CBLB: variants seen among roughly 807,000 people sequenced by gnomAD.
CBLB encodes the protein Cbl proto-oncogene B, also known as E3 ubiquitin-protein ligase CBL-B.
CBLB carries 31 observed loss-of-function variants against 104.9 expected under a neutral mutation model. The ratio of observed to expected loss-of-function variants is 0.30; its 90% CI spans 0.22 to 0.40. The LOEUF (loss-of-function observed/expected upper bound fraction) is 0.40, where lower values mean the gene tolerates loss of function less well. CBLB is among the 10% of genes least tolerant of loss of function. The pLI is 1.00. For synonymous variants in CBLB, 440 were observed against 422.6 expected, an observed-to-expected ratio of 1.04 and a Z score of -0.51; for missense variants, 1,062 against 1,214.6, an observed-to-expected ratio of 0.87 and a Z score of 1.87.
At chr3:105,763,539 C>T (rs1397686320) in intron 4 of CBLB, among the ~76,000 whole-genome samples, 1 of 152,204 alleles carries the variant, frequency 6.6e-6, no homozygotes, top group African/African-American at 2.4e-5. Context: ...TCTGCTGCCA[C>T]GTAAGAAGTG....
intron 7 of CBLB, among the ~76,000 whole-genome samples, chr3:105,738,844 T>C (rs917342601): frequency 1.3e-5 from 2 of 152,058 alleles, no homozygotes; most frequent in African/African-American, 2.4e-5. Context: ...GAAATACACA[T>C]TTGGTACCAT....
At chr3:105,786,070 G>GGGGA (rs1560234293) in intron 3 of CBLB, among the ~76,000 whole-genome samples, 1 of 140,132 alleles carries the variant, frequency 7.1e-6, no homozygotes, top group Non-Finnish European at 1.6e-5. Context: ...TCGGGGGGGG[G>GGGGA]AAAGTGGGTA....
chr3:105,685,829 G>A (rs1322046197), intron 13 of CBLB, among the ~76,000 whole-genome samples: 3 of 152,068 alleles, frequency 2.0e-5, no homozygotes, highest in Non-Finnish European at 2.9e-5. Flanking sequence ...AATTAAATGG[G>A]TAAAATATGA....
chr3:105,818,729 C>T (rs1044431580), intron 3 of CBLB, among the ~76,000 whole-genome samples: 1 of 151,886 alleles, frequency 6.6e-6, no homozygotes, highest in Admixed American at 6.6e-5. Context: ...AAATTAAATA[C>T]GAAAAGCATA....
intron 9 of CBLB, among the ~76,000 whole-genome samples, chr3:105,724,917 C>T (rs924208630): frequency 2.6e-5 from 4 of 151,958 alleles, no homozygotes. Flanking sequence ...GCAAAAAATA[C>T]TAAGTAGGAA....
intron 10 of CBLB, among the ~76,000 whole-genome samples, chr3:105,716,210 T>C (rs1321804424): frequency 6.6e-6 from 1 of 152,158 alleles, no homozygotes; most frequent in African/African-American, 2.4e-5. Context: ...ACCACTCCTA[T>C]AAGAAAAAAC....
At chr3:105,703,920 A>G in intron 11 of CBLB, 68 bp downstream of exon 11, 1 of 1,438,046 alleles carries the variant, frequency 7.0e-7, no homozygotes, top group Non-Finnish European at 9.8e-7. Context: ...ATGGAATTTA[A>G]AAGAATCTGA....
In CBLB at chr3:105,778,387, C is replaced by T. The variant is rs543468944; in HGVS notation, c.420-1845G>A. On this transcript the variant is annotated intron_variant, in intron 3 of 18. Transcript: ENST00000394030. ...AGGAGATCATTTAATATGCACCTGA[C>T]AATAAAATCATTGGATGACACTCTT... 2.6e-5 allele frequency among the ~76,000 whole-genome samples: 4 copies of T among 151,938 alleles called. No homozygotes were observed. In the East Asian group the frequency reaches 7.8e-4, roughly 29 times the overall value.
intron 3 of CBLB, among the ~76,000 whole-genome samples, chr3:105,787,476 G>A: frequency 6.6e-6 from 1 of 152,078 alleles, no homozygotes; most frequent in Non-Finnish European, 1.5e-5. Flanking sequence ...TACGTTCTAT[G>A]GCCCCATAAC....
rs529101529 is a variant in CBLB at position 105,721,088 on chromosome 3, G to A, written c.1204-838C>T. 1.4e-4 allele frequency among the ~76,000 whole-genome samples: 21 copies of A among 152,194 alleles called. No homozygotes were observed. In the South Asian group the frequency reaches 4.4e-3, roughly 32 times the overall value. ...CAACATTGCTTTCTAGAGATAAGAT[G>A]GTATATGATATTCTCCACCCGATTT... is the stretch of plus-strand genomic sequence containing the variant. On this transcript the variant is annotated intron_variant, in intron 9 of 18. Coordinates refer to ENST00000394030, the MANE Select transcript of CBLB (RefSeq NM_170662.5).
upstream of CBLB, chr3:105,869,163 G>A (rs62255568): frequency 2.3e-3 from 1,425 of 616,168 alleles, 3 homozygotes; most frequent in Admixed American, 3.4e-3. Flanking sequence ...TCCTCGCGCT[G>A]CCGCCCCGTC....
intron 3 of CBLB, among the ~76,000 whole-genome samples, chr3:105,793,338 T>TA (rs1020205773): frequency 2.0e-5 from 3 of 151,818 alleles, no homozygotes; most frequent in Admixed American, 1.3e-4. Flanking sequence ...GGCCCTGGAG[T>TA]AATAAGCCAA....
Position 105,730,950 on chromosome 3 carries a change from T to C in CBLB, c.1203+3059A>G, listed in dbSNP as rs80200667. On this transcript the variant is annotated intron_variant, in intron 9 of 18. Transcript: ENST00000394030. ...TTGACAATTATGTACTTCCTCAATT[T>C]ATAAAAGTAAAACTGAGAAGTAGCT... Among the ~76,000 whole-genome samples the C allele has an allele frequency of 8.6e-3, 1,307 of 152,228 alleles. 8 individuals carry two copies. The highest frequency in any genetic ancestry group is 0.026 in the South Asian group (123 of 4,820).
chr3:105,818,172 T>C (rs1326260326), intron 3 of CBLB, among the ~76,000 whole-genome samples: 1 of 152,140 alleles, frequency 6.6e-6, no homozygotes, highest in East Asian at 1.9e-4. Flanking sequence ...TTCCAAAGAA[T>C]GGACACAAAT....
intron 6 of CBLB, among the ~76,000 whole-genome samples, chr3:105,741,544 C>G (rs60295307): frequency 6.6e-6 from 1 of 151,930 alleles, no homozygotes; most frequent in Admixed American, 6.6e-5. Context: ...CACAGGTGCC[C>G]GCCACCACAC....
chr3:105,748,117 C>CT (rs917614610), intron 5 of CBLB, among the ~76,000 whole-genome samples: 1 of 151,916 alleles, frequency 6.6e-6, no homozygotes. Flanking sequence ...TGGAGAGTAA[C>CT]TTTTTTTTAT....
At chr3:105,756,093 T>C (rs2152921129) in intron 4 of CBLB, among the ~76,000 whole-genome samples, 1 of 152,314 alleles carries the variant, frequency 6.6e-6, no homozygotes, top group Middle Eastern at 3.4e-3. Context: ...GGTTTTTAAC[T>C]TTTTATATGT....
intron 3 of CBLB, among the ~76,000 whole-genome samples, chr3:105,801,535 T>C (rs1188270550): frequency 1.3e-5 from 2 of 152,220 alleles, no homozygotes; most frequent in African/African-American, 2.4e-5. Context: ...AATTTTTTCA[T>C]TTTACGAAGA....
intron 10 of CBLB, among the ~76,000 whole-genome samples, chr3:105,706,658 A>T (rs1321713256): frequency 2.0e-5 from 3 of 152,188 alleles, no homozygotes; most frequent in Admixed American, 2.0e-4. Flanking sequence ...TATTAGGATA[A>T]ATTATATTCT....
Sources: gnomAD v4.1 joint callset for allele counts (sites outside exome capture counted in the v4.1 genomes callset) on GRCh38, gnomAD v4.1.1 for gene constraint, MANE v1.5 for transcripts, NCBI Gene and HGNC (gene_info 2026-07-23, HGNC 2026-07-21) for gene names.